The following RARG variants were observed in gnomAD, a reference collection of about 807,000 sequenced individuals.
The protein encoded by RARG is retinoic acid receptor gamma.
A neutral mutation model predicts 43.7 loss-of-function variants in RARG; 17 were observed. The ratio of observed to expected loss-of-function variants is 0.39; its 90% confidence interval spans 0.27 to 0.58. The LOEUF (loss-of-function observed/expected upper bound fraction) is 0.58. Ranked by LOEUF, RARG falls within the 20% of genes least tolerant of loss-of-function variation. The pLI, the probability that RARG is intolerant of heterozygous loss-of-function variation, is 0.57. For synonymous variants in RARG, 238 were observed against 236.4 expected (o/e 1.01, Z -0.06); for missense variants, 346 against 598.7 (o/e 0.58, Z 4.40).
Position 53,227,712 on chromosome 12 carries a change from G to C in RARG, c.-142-25C>G. The C allele has an allele frequency of 8.0e-7, 1 of 1,250,520 alleles. No homozygotes were observed. Among genetic ancestry groups the C allele is most frequent in the South Asian group, 2.2e-5 (1 of 44,846 alleles). 77.5% of individuals were successfully genotyped at this position (1,250,520 alleles called of 1,614,324 possible). ...CCTAGGGAGAAAGAGAGAGAAAGGAGAGATGAGAGAATGACCACTCTGAGG... is the reference window on the plus strand; with the variant it reads ...CCTAGGGAGAAAGAGAGAGAAAGGACAGATGAGAGAATGACCACTCTGAGG... On this transcript the variant is annotated intron_variant, in intron 2 of 9. Transcript: ENST00000425354. This position sits in a 1 kb window ranked among gnomAD's most constrained non-coding sequence, Gnocchi z 4.3.
intron 3 of RARG, among the ~76,000 whole-genome samples, chr12:53,221,727 T>G (rs11170484): frequency 6.7e-6 from 1 of 148,772 alleles, no homozygotes; most frequent in Non-Finnish European, 1.5e-5. Flanking sequence ...CTCCCGGAAA[T>G]CCCCCCCTCC....
chr12:53,222,572 G>T (rs1943003788), intron 3 of RARG, among the ~76,000 whole-genome samples: 1 of 152,146 alleles, frequency 6.6e-6, no homozygotes. Flanking sequence ...GGAGTTGGGG[G>T]AGGGCTCCAG....
chr12:53,230,562 T>C (rs892887255), intron 2 of RARG, among the ~76,000 whole-genome samples: 7 of 151,956 alleles, frequency 4.6e-5, no homozygotes, highest in African/African-American at 7.3e-5. Flanking sequence ...TCCTTGGCAT[T>C]GTGCCATCCC....
At chr12:53,216,006 A>C (rs570463611) in intron 3 of RARG, among the ~76,000 whole-genome samples, 1 of 152,018 alleles carries the variant, frequency 6.6e-6, no homozygotes, top group East Asian at 1.9e-4. Flanking sequence ...TTCACCCTCT[A>C]CCCTCCACAG....
rs200766293 is a variant in RARG, at chr12:53,227,510, A to G, written c.36T>C (p.Gly12=). ...GGTAGCCAGATCCAGGCCCCAGGGC[A>G]CCAGCCGCAAAGAGTCGCTCCTTAT... ...ATNKERLFAA[G]ALGPGSGYPG... Residue 12 remains glycine (G), a synonymous_variant, in exon 3 of 10, where the codon GGT becomes GGC. Transcript: ENST00000425354. This position sits in a 1 kb window ranked among gnomAD's most constrained non-coding sequence, Gnocchi z 4.3. 113 of 1,564,548 alleles carry G rather than the reference A, an allele frequency of 7.2e-5. No homozygotes were observed. The highest frequency in any genetic ancestry group is 9.1e-5 in the Non-Finnish European group (105 of 1,160,034).
Position 53,214,194 on chromosome 12 carries a change from C to G in RARG, c.678G>C (p.Leu226=), listed in dbSNP as rs749539197. ...ADHRVQLDLG[L]WDKFSELATK... ...TAGCCAGCTCACTGAACTTGTCCCA[C>G]AGCCCCAGATCCAGCTGCACGCGGT... is the stretch of plus-strand genomic sequence containing the variant. Residue 226 remains leucine (L), a synonymous_variant, in exon 7 of 10, where the codon CTG becomes CTC. Transcript: ENST00000425354. 3.1e-6 allele frequency: 5 copies of G among 1,613,734 alleles called. No homozygotes were observed. Among genetic ancestry groups the G allele is most frequent in the Non-Finnish European group, 4.2e-6 (5 of 1,179,758 alleles).
At chr12:53,218,729 A>G (rs1470113406) in intron 3 of RARG, among the ~76,000 whole-genome samples, 1 of 151,052 alleles carries the variant, frequency 6.6e-6, no homozygotes, top group African/African-American at 2.4e-5. Flanking sequence ...GCTTGGTGCC[A>G]AGGAGCGAGG....
intron 3 of RARG, among the ~76,000 whole-genome samples, chr12:53,224,366 C>A (rs1004056504): frequency 1.3e-4 from 20 of 152,110 alleles, no homozygotes; most frequent in Admixed American, 4.6e-4. Context: ...AGTGCCAGAC[C>A]TCTTCAAGGG....
At position 53,213,536 on chromosome 12, in the gene RARG, G is replaced by A. The variant is rs767255638; in HGVS notation, c.978C>T (p.Thr326=). 4.3e-6 allele frequency: 7 copies of A among 1,614,038 alleles called. No homozygotes were observed. The highest frequency in any genetic ancestry group is 5.9e-6 in the Non-Finnish European group (7 of 1,180,024). ...AGATGGCGCTGAGCAGCCCTGTCTCGGTGTCATCCATCTCCAGGGGCAGGA... is the reference window on the plus strand; with the variant it reads ...AGATGGCGCTGAGCAGCCCTGTCTCAGTGTCATCCATCTCCAGGGGCAGGA... ...GQLLPLEMDD[T]ETGLLSAICL... Residue 326 remains threonine, a synonymous_variant, in exon 8 of 10, where the codon ACC becomes ACT. Transcript: ENST00000425354. This position sits in a 1 kb window ranked among gnomAD's most constrained non-coding sequence, Gnocchi z 4.7.
Position 53,213,723 on chromosome 12 carries a change from G to A in RARG, c.814-23C>T. 1.9e-6 allele frequency: 3 copies of A among 1,581,406 alleles called. No individual in the cohort carries two copies. The highest frequency in any genetic ancestry group is 2.2e-5 in the East Asian group (1 of 44,696). On this transcript the variant is annotated intron_variant, in intron 7 of 9. Transcript: ENST00000425354. This position sits in a 1 kb window ranked among gnomAD's most constrained non-coding sequence, Gnocchi z 4.7. ...CATCTGGAGGTGGGGGGTGGAGGAG[G>A]GTTAGTGCTGTTTCTGGGGGATGGG...
At chr12:53,221,177 C>T in intron 3 of RARG, among the ~76,000 whole-genome samples, 1 of 150,480 alleles carries the variant, frequency 6.6e-6, no homozygotes, top group South Asian at 2.1e-4. Flanking sequence ...CCCCCTCCAG[C>T]GCAGCCAGAG....
chr12:53,215,252 G>A lies in RARG; in HGVS notation c.475+41C>T, dbSNP rs1399369643. 4 of 1,605,904 alleles carry A rather than the reference G, an allele frequency of 2.5e-6. No individual in the cohort carries two copies. The highest frequency in any genetic ancestry group is 3.4e-6 in the Non-Finnish European group (4 of 1,175,736). ...GAAAGAGGGCCACAGCCATAGGGTA[G>A]GACCGAAGTGCTCCTGCCCAAGCCA... is the stretch of plus-strand genomic sequence containing the variant. On this transcript the variant is annotated intron_variant, in intron 5 of 9. Transcript: ENST00000425354. This position sits in a 1 kb window ranked among gnomAD's most constrained non-coding sequence, Gnocchi z 6.4.
chr12:53,212,122 C>T lies in RARG; in HGVS notation c.1178-259G>A, dbSNP rs531521640. ...TCTTTCAGGCTGTCTCTTCAGCGAG[C>T]GCAATGCACACAACTTCCAACCCCA... On this transcript the variant is annotated intron_variant, in intron 9 of 9. Transcript: ENST00000425354. Among the ~76,000 whole-genome samples, 7 of 152,314 alleles carry T rather than the reference C, an allele frequency of 4.6e-5. No homozygotes were observed. The East Asian group carries it at 9.6e-4, about 21-fold the overall frequency.
chr12:53,215,217 G>C lies in RARG; in HGVS notation c.475+76C>G, dbSNP rs148225181. 3.1e-5 allele frequency: 49 copies of C among 1,555,690 alleles called. No homozygotes were observed. In the African/African-American group the frequency reaches 5.3e-4, roughly 17 times the overall value. ...AGTCTCAGAGGTCAGGGAAGTGGGA[G>C]TGGCCAGAGGAAAGAGGGCCACAGC... On this transcript the variant is annotated intron_variant, in intron 5 of 9. Transcript: ENST00000425354. This position sits in a 1 kb window ranked among gnomAD's most constrained non-coding sequence, Gnocchi z 6.4.
At chr12:53,218,230 C>A (rs1256397705) in intron 3 of RARG, among the ~76,000 whole-genome samples, 1 of 152,170 alleles carries the variant, frequency 6.6e-6, no homozygotes, top group Non-Finnish European at 1.5e-5. Flanking sequence ...ACCTCCACCC[C>A]CCAAGCACCC....
At chr12:53,221,625 G>A (rs1007244933) in intron 3 of RARG, among the ~76,000 whole-genome samples, 1 of 152,196 alleles carries the variant, frequency 6.6e-6, no homozygotes, top group East Asian at 1.9e-4. Flanking sequence ...AGGGGGTGAG[G>A]TGGGCGGGGG....
At chr12:53,225,863 A>T (rs1943094766) in intron 3 of RARG, among the ~76,000 whole-genome samples, 1 of 152,234 alleles carries the variant, frequency 6.6e-6, no homozygotes, top group African/African-American at 2.4e-5. Flanking sequence ...GGGAACAAGT[A>T]GGGATCTGCA....
At chr12:53,216,706 A>G (rs1942769691) in intron 3 of RARG, among the ~76,000 whole-genome samples, 1 of 151,860 alleles carries the variant, frequency 6.6e-6, no homozygotes, top group East Asian at 1.9e-4. Flanking sequence ...CTGTTTCTGG[A>G]CCCTCTCTGA....
intron 3 of RARG, among the ~76,000 whole-genome samples, chr12:53,221,029 A>G (rs1002434270): frequency 6.7e-6 from 1 of 150,156 alleles, no homozygotes; most frequent in African/African-American, 2.5e-5. Context: ...CCGCGGTCCT[A>G]GGGCCGGAGC....
Sources: allele counts gnomAD v4.1 joint callset (sites outside exome capture counted in the v4.1 genomes callset), GRCh38; gene constraint gnomAD v4.1.1; non-coding constraint Gnocchi (gnomAD v3.1); transcripts MANE v1.5; gene names NCBI Gene and HGNC (gene_info 2026-07-23, HGNC 2026-07-21).